The following AFF3 variants were observed in gnomAD, a reference collection of about 807,000 sequenced individuals.
The protein encoded by AFF3 is AF4/FMR2 family member 3.
In AFF3, 32 loss-of-function variants were observed where a neutral mutation model predicts 129.7. The observed-to-expected ratio is 0.25, with a 90% confidence interval of 0.19 to 0.33. AFF3 has a LOEUF of 0.33. Among genes scored for constraint, AFF3 ranks in the 10% least tolerant of loss-of-function variants. The pLI is 1.00. For missense variants in AFF3, 1,373 were observed against 1,592.0 expected (o/e 0.86, Z 2.34); for synonymous variants, 644 against 635.4 (o/e 1.01, Z -0.20).
rs553443291 is a variant in AFF3, at chr2:99,653,309, C to A, written c.1144-3643G>T. ...GAGAGACTGGCTCCTCCTGGAGTAA[C>A]AGAAATCATAAGAGGTGTAACTAAA... is the stretch of plus-strand genomic sequence containing the variant. On this transcript the variant is annotated intron_variant, in intron 12 of 24. Coordinates refer to ENST00000672756, the MANE Select transcript of AFF3 (RefSeq NM_001386135.1). 7.9e-5 allele frequency among the ~76,000 whole-genome samples: 12 copies of A among 152,246 alleles called. No homozygotes were observed. The East Asian group carries it at 2.3e-3, about 29-fold the overall frequency.
chr2:99,921,769 CAAGT>C lies in AFF3; in HGVS notation c.874-84249_874-84246del, dbSNP rs370816445. Among the ~76,000 whole-genome samples, 705 of 151,848 alleles carry C rather than the reference CAAGT, an allele frequency of 4.6e-3. 4 individuals are homozygous for C. The highest frequency in any genetic ancestry group is 0.016 in the African/African-American group (672 of 41,454). ...CAAAGAGTACCATCAAAAGAATAAA[CAAGT>C]AAGCCACGAAATGAGAGAAAATATT... On this transcript the variant is annotated intron_variant, in intron 7 of 24. Coordinates refer to ENST00000672756, the MANE Select transcript of AFF3 (RefSeq NM_001386135.1).
At chr2:100,027,520 G>A (rs543292693) in intron 4 of AFF3, among the ~76,000 whole-genome samples, 2 of 152,286 alleles carry the variant, frequency 1.3e-5, no homozygotes, top group South Asian at 4.2e-4. Flanking sequence ...CTTCCAGGAA[G>A]TCTGAATTCT....
At chr2:99,776,156 A>G (rs529045505) in intron 8 of AFF3, among the ~76,000 whole-genome samples, 120 of 152,310 alleles carry the variant, frequency 7.9e-4, no homozygotes, top group African/African-American at 2.4e-3. Context: ...TCGGGGGAAA[A>G]AAGGAATGCA....
At chr2:99,759,192 TTC>T (rs79852644) in intron 8 of AFF3, among the ~76,000 whole-genome samples, 4,472 of 152,310 alleles carry the variant, frequency 0.029, 81 homozygotes, top group Non-Finnish European at 0.04. Flanking sequence ...TTCTCTTACA[TTC>T]TGTTTTGTGT....
intron 4 of AFF3, among the ~76,000 whole-genome samples, chr2:100,065,712 GT>G (rs1687670465): frequency 6.6e-6 from 1 of 152,212 alleles, no homozygotes; most frequent in Admixed American, 6.5e-5. Flanking sequence ...ACCTACACTA[GT>G]TTTGTTCTTC....
chr2:99,992,750 T>C (rs555663971), intron 7 of AFF3, among the ~76,000 whole-genome samples: 1 of 152,222 alleles, frequency 6.6e-6, no homozygotes, highest in Non-Finnish European at 1.5e-5. Context: ...ATTCCTTCCT[T>C]TGAAGGGCTC....
Position 99,547,416 on chromosome 2 carries a change from T to C in AFF3, c.*4058A>G, listed in dbSNP as rs940513711. 3 of 217,284 alleles carry C rather than the reference T, an allele frequency of 1.4e-5. No homozygotes were observed. The highest frequency in any genetic ancestry group is 2.8e-5 in the Non-Finnish European group (3 of 107,986). 13.5% of individuals were successfully genotyped at this position (217,284 alleles called of 1,614,324 possible). A position where few individuals can be genotyped will look rare whatever the true frequency, so the allele number is the denominator to read the frequency against. ...GCATTAAGGCTGGTGACTGCTAAAG[T>C]CTCTTGGGAATCTACAAATAGGAAA... is the stretch of plus-strand genomic sequence containing the variant. On this transcript the variant is annotated 3_prime_UTR_variant, in exon 25 of 25. Transcript: ENST00000672756.
intron 20 of AFF3, among the ~76,000 whole-genome samples, chr2:99,561,208 A>G (rs1468918502): frequency 1.3e-5 from 2 of 152,246 alleles, no homozygotes; most frequent in African/African-American, 4.8e-5. Flanking sequence ...ATAAAATAAG[A>G]CTAATACTGC....
chr2:99,669,820 A>G (rs758556988), intron 12 of AFF3, among the ~76,000 whole-genome samples: 3 of 152,190 alleles, frequency 2.0e-5, no homozygotes, highest in South Asian at 2.1e-4. Context: ...AAATACAAAA[A>G]TTACCTGTAA....
Position 99,598,760 on chromosome 2 carries a change from C to T in AFF3, c.1371+2675G>A, listed in dbSNP as rs182159699. ...GTGGGGTTCAGGAAAAGGAGTCTTA[C>T]AGCTCTCTGTAAGGTGACCTGGGCC... On this transcript the variant is annotated intron_variant, in intron 14 of 24. Transcript: ENST00000672756. Among the ~76,000 whole-genome samples, 20 of 152,316 alleles carry T rather than the reference C, an allele frequency of 1.3e-4. 1 individual carries two copies. The highest frequency in any genetic ancestry group is 2.9e-5 in the Non-Finnish European group (2 of 68,030).
intron 15 of AFF3, among the ~76,000 whole-genome samples, chr2:99,591,185 TTTTA>T (rs1347091339): frequency 1.1e-4 from 16 of 152,028 alleles, no homozygotes; most frequent in Admixed American, 2.6e-4. Flanking sequence ...TTATTTTTTA[TTTTA>T]TTTATTTATT....
intron 1 of AFF3, among the ~76,000 whole-genome samples, chr2:100,137,556 C>G (rs772933973): frequency 1.1e-4 from 11 of 98,228 alleles, no homozygotes; most frequent in Non-Finnish European, 2.2e-4. Flanking sequence ...CACACACACA[C>G]ACAGACACAC....
At chr2:99,929,511 G>C (rs1269218304) in intron 7 of AFF3, among the ~76,000 whole-genome samples, 1 of 152,024 alleles carries the variant, frequency 6.6e-6, no homozygotes, top group African/African-American at 2.4e-5. Context: ...ATTTTATGTT[G>C]ATGTGCTTAT....
intron 7 of AFF3, among the ~76,000 whole-genome samples, chr2:99,921,567 A>T (rs1695859964): frequency 6.6e-6 from 1 of 152,190 alleles, no homozygotes; most frequent in Admixed American, 6.5e-5. Context: ...TAGCTGAAGG[A>T]AGTGTACGTA....
chr2:99,955,125 C>T (rs910243569), intron 7 of AFF3, among the ~76,000 whole-genome samples: 1 of 151,978 alleles, frequency 6.6e-6, no homozygotes, highest in African/African-American at 2.4e-5. Context: ...AATTGTATAA[C>T]ATACAAAACA....
intron 8 of AFF3, among the ~76,000 whole-genome samples, chr2:99,777,947 C>CAAAAAAAAA (rs576434643): frequency 5.4e-4 from 26 of 48,306 alleles, no homozygotes; most frequent in South Asian, 1.3e-3. Context: ...AAAGCAAAAG[C>CAAAAAAAAA]AAAAAAAAAA....
intron 7 of AFF3, among the ~76,000 whole-genome samples, chr2:99,950,902 A>G (rs1339689090): frequency 6.6e-6 from 1 of 152,248 alleles, no homozygotes; most frequent in African/African-American, 2.4e-5. Flanking sequence ...ATGAGACTAC[A>G]TATGTCTACA....
At chr2:99,551,748 A>G (rs975274031) in intron 24 of AFF3, among the ~76,000 whole-genome samples, 153 bp from the exon 25 acceptor site, 1 of 152,248 alleles carries the variant, frequency 6.6e-6, no homozygotes, top group Non-Finnish European at 1.5e-5. Flanking sequence ...TGAACAAAAT[A>G]AAATCCAAGG....
At chr2:100,050,098 G>C (rs1449518752) in intron 4 of AFF3, among the ~76,000 whole-genome samples, 1 of 151,684 alleles carries the variant, frequency 6.6e-6, no homozygotes, top group Non-Finnish European at 1.5e-5. Flanking sequence ...TGTAGTCCCA[G>C]CTACTTAGGA....
Sources: gnomAD v4.1 joint callset for allele counts (sites outside exome capture counted in the v4.1 genomes callset) on GRCh38, gnomAD v4.1.1 for gene constraint, MANE v1.5 for transcripts, NCBI Gene and HGNC (gene_info 2026-07-23, HGNC 2026-07-21) for gene names.